CALD1: variants seen among roughly 807,000 people sequenced by gnomAD.
CALD1 encodes caldesmon.
Under a neutral mutation model 99.9 loss-of-function variants are expected in CALD1, and 33 were observed. The ratio of observed to expected loss-of-function variants is 0.33; its 90% CI spans 0.25 to 0.44. The LOEUF (loss-of-function observed/expected upper bound fraction) is 0.44, where lower values mean the gene tolerates loss of function less well. Among genes scored for constraint, CALD1 ranks in the 20% least tolerant of loss-of-function variants. CALD1 has a pLI of 1.00. For missense variants in CALD1, 861 were observed against 962.1 expected (o/e 0.89, Z 1.39); for synonymous variants, 310 against 325.0 (o/e 0.95, Z 0.50).
chr7:134,789,031 T>TC (rs368427491), intron 1 of CALD1, among the ~76,000 whole-genome samples: 2 of 116,826 alleles, frequency 1.7e-5, no homozygotes, highest in African/African-American at 6.7e-5. Flanking sequence ...AAACAAAAAG[T>TC]AAAAAAAAAA....
rs141815544 is a variant in CALD1, at chr7:134,912,367, A to G, written c.72-16387A>G. 8.3e-3 allele frequency among the ~76,000 whole-genome samples: 1,269 copies of G among 152,312 alleles called. 11 individuals carry two copies. Among genetic ancestry groups the G allele is most frequent in the Non-Finnish European group, 0.014 (942 of 68,020 alleles). ...GTAAACCTTATCTAGTTTAAACTTCATGAAATAGACCTGTACTGAGAAGGA... is the reference window on the plus strand; with the variant it reads ...GTAAACCTTATCTAGTTTAAACTTCGTGAAATAGACCTGTACTGAGAAGGA... On this transcript the variant is annotated intron_variant, in intron 3 of 14. Transcript: ENST00000361675.
chr7:134,753,651 G>GGCAGAGAT (rs1796703636), intron 1 of CALD1, among the ~76,000 whole-genome samples: 1 of 152,304 alleles, frequency 6.6e-6, no homozygotes, highest in Non-Finnish European at 1.5e-5. Context: ...GACTTTGCAA[G>GGCAGAGAT]GCAGAGATGC....
In CALD1 at chr7:134,970,548, TA is replaced by T. The variant is rs1268675031; in HGVS notation, c.*2206del. The stretch of plus-strand genomic sequence containing the variant: ...GAATCTGCCATTCCTAAAAATTTTA[TA>T]AACACTTGATACTTTTCACTGATAA... On this transcript the variant is annotated 3_prime_UTR_variant, in exon 15 of 15. Coordinates refer to ENST00000361675, the MANE Select transcript of CALD1 (RefSeq NM_033138.4). 6.6e-6 allele frequency: 1 copy of T among 152,662 alleles called. No homozygotes were observed. Among genetic ancestry groups the T allele is most frequent in the Non-Finnish European group, 1.5e-5 (1 of 68,042 alleles). The allele number at this position is 152,662 out of a possible 1,614,324, so 9.5% of individuals were successfully genotyped here. A position where few individuals can be genotyped will look rare whatever the true frequency, so the allele number is the denominator to read the frequency against.
chr7:134,801,459 T>C (rs1360769764), intron 1 of CALD1, among the ~76,000 whole-genome samples: 2 of 152,224 alleles, frequency 1.3e-5, no homozygotes, highest in African/African-American at 2.4e-5. Context: ...TATTCTTTAG[T>C]AGTTCCTTTA....
At chr7:134,722,393 G>A in the CALD1 span, among the ~76,000 whole-genome samples, 6 of 150,752 alleles carry the variant, frequency 4.0e-5, no homozygotes, top group South Asian at 1.1e-3. Context: ...GTTCGATTTT[G>A]TTTATTTATT....
rs139732562 is a variant in CALD1, at chr7:134,799,280, C to T, written c.-130+19531C>T. Reference sequence around the variant, plus strand: ...CTAATATTCTTGACTCAGAGAACTTCCTCAAAGCCTCAAAATAACAACAAT... The same window carrying T: ...CTAATATTCTTGACTCAGAGAACTTTCTCAAAGCCTCAAAATAACAACAAT... On this transcript the variant is annotated intron_variant, in intron 1 of 14. Transcript: ENST00000361675. Among the ~76,000 whole-genome samples the T allele has an allele frequency of 2.0e-5, 3 of 152,264 alleles. No homozygotes were observed. In the East Asian group the frequency reaches 5.8e-4, roughly 29 times the overall value.
intron 11 of CALD1, among the ~76,000 whole-genome samples, chr7:134,958,821 T>C (rs1431879922): frequency 6.7e-6 from 1 of 149,776 alleles, no homozygotes; most frequent in East Asian, 2.0e-4. Flanking sequence ...TCAGCGTGAA[T>C]ATTGTTTAAT....
chr7:134,808,163 C>T (rs1441862173), intron 1 of CALD1, among the ~76,000 whole-genome samples: 1 of 150,596 alleles, frequency 6.6e-6, no homozygotes, highest in Admixed American at 6.6e-5. Flanking sequence ...TACAGTGGTG[C>T]AATCATGTTT....
intron 1 of CALD1, among the ~76,000 whole-genome samples, chr7:134,832,561 CA>C (rs1340086931): frequency 2.0e-5 from 3 of 152,218 alleles, no homozygotes; most frequent in Non-Finnish European, 4.4e-5. Flanking sequence ...ATCTTATGAT[CA>C]AGTTCCCACA....
intron 12 of CALD1, 154 bp downstream of exon 12, chr7:134,960,265 G>C (rs1563135692): frequency 1.1e-6 from 1 of 879,226 alleles, no homozygotes; most frequent in Non-Finnish European, 1.8e-6. Flanking sequence ...AGCTCAGAGA[G>C]AATGTGTTTG....
chr7:134,740,448 C>A (rs1391151661), upstream of CALD1, among the ~76,000 whole-genome samples: 1 of 152,122 alleles, frequency 6.6e-6, no homozygotes, highest in Non-Finnish European at 1.5e-5. Context: ...TATAGGGATA[C>A]AGGATGGAGA....
chr7:134,819,747 G>A (rs188814713), intron 1 of CALD1, among the ~76,000 whole-genome samples: 30 of 152,240 alleles, frequency 2.0e-4, no homozygotes, highest in Middle Eastern at 6.8e-3. Context: ...GTGATGGCAC[G>A]TGCCTGTGGT....
At chr7:134,807,122 C>T (rs7796233) in intron 1 of CALD1, among the ~76,000 whole-genome samples, 1 of 152,042 alleles carries the variant, frequency 6.6e-6, no homozygotes, top group African/African-American at 2.4e-5. Flanking sequence ...GAGGACTTAG[C>T]CCCTGGTCCT....
intron 4 of CALD1, among the ~76,000 whole-genome samples, chr7:134,931,576 G>C (rs1432549364): frequency 6.6e-6 from 1 of 152,198 alleles, no homozygotes; most frequent in Non-Finnish European, 1.5e-5. Context: ...AAAGGGCCAA[G>C]TTTGGTCTGA....
intron 3 of CALD1, chr7:134,891,302 G>T: frequency 1.1e-6 from 1 of 950,910 alleles, no homozygotes; most frequent in Non-Finnish European, 1.3e-6. Context: ...AACTCCCGAA[G>T]CAATCAGTGC....
At chr7:134,876,163 A>G (rs1801339963) in intron 3 of CALD1, among the ~76,000 whole-genome samples, 1 of 152,190 alleles carries the variant, frequency 6.6e-6, no homozygotes, top group Admixed American at 6.5e-5. Flanking sequence ...CTTGGCACTT[A>G]CATTCAGTGG....
chr7:134,907,081 G>A (rs2132661336), intron 3 of CALD1, among the ~76,000 whole-genome samples: 1 of 152,270 alleles, frequency 6.6e-6, no homozygotes, highest in South Asian at 2.1e-4. Flanking sequence ...GCATATACAT[G>A]ATGAAAGTGT....
intron 1 of CALD1, among the ~76,000 whole-genome samples, chr7:134,836,114 C>T (rs906198759): frequency 1.4e-5 from 2 of 145,740 alleles, no homozygotes; most frequent in East Asian, 2.0e-4. Flanking sequence ...CACTGCACTC[C>T]GGCCTGGTGA....
intron 5 of CALD1, among the ~76,000 whole-genome samples, chr7:134,934,311 C>T (rs559029235): frequency 6.6e-6 from 1 of 152,120 alleles, no homozygotes; most frequent in Admixed American, 6.5e-5. Context: ...GTCCAGAAGA[C>T]AGAGAGAAAT....
Sources: allele counts gnomAD v4.1 joint callset (sites outside exome capture counted in the v4.1 genomes callset), GRCh38; gene constraint gnomAD v4.1.1; transcripts MANE v1.5; gene names NCBI Gene and HGNC (gene_info 2026-07-23, HGNC 2026-07-21).